Variants in NCALD observed in about 807,000 individuals in gnomAD.
The protein encoded by NCALD is neurocalcin delta.
NCALD carries 10 observed loss-of-function variants against 18.6 expected under a neutral mutation model. The ratio of observed to expected loss-of-function variants is 0.54; its 90% CI spans 0.33 to 0.91. NCALD has a LOEUF of 0.91. Among genes scored for constraint, NCALD ranks in the 40% least tolerant of loss-of-function variants. NCALD has a pLI of 0.03. For missense variants in NCALD, 184 were observed against 247.6 expected (o/e 0.74, Z 1.72); for synonymous variants, 88 against 87.4 (o/e 1.01, Z -0.04).
intron 1 of NCALD, among the ~76,000 whole-genome samples, chr8:102,071,678 A>G (rs1036099407): frequency 1.3e-5 from 2 of 152,250 alleles, no homozygotes; most frequent in African/African-American, 2.4e-5. Context: ...GTATACCAAA[A>G]CAAATTGTAT....
intron 1 of NCALD, chr8:102,029,188 G>A (rs1822572637): frequency 6.6e-6 from 1 of 152,214 alleles, no homozygotes; most frequent in African/African-American, 2.4e-5. Flanking sequence ...GTACCAGGAA[G>A]TGGAGGCAAC....
chr8:101,808,076 A>G (rs577316777), intron 4 of NCALD, among the ~76,000 whole-genome samples: 2 of 152,316 alleles, frequency 1.3e-5, no homozygotes, highest in Admixed American at 6.5e-5. Flanking sequence ...CAAATTACCA[A>G]TATCTGTAAT....
chr8:101,993,052 C>T (rs1039076400), intron 2 of NCALD, among the ~76,000 whole-genome samples: 2 of 145,122 alleles, frequency 1.4e-5, no homozygotes, highest in African/African-American at 5.2e-5. Flanking sequence ...TACTAGATAC[C>T]ACGGATGGCA....
chr8:101,959,958 C>T (rs2131846483), intron 2 of NCALD, among the ~76,000 whole-genome samples: 1 of 151,304 alleles, frequency 6.6e-6, no homozygotes, highest in East Asian at 2.0e-4. Context: ...AACGTCCTTC[C>T]TGAACCACCA....
intron 4 of NCALD, among the ~76,000 whole-genome samples, chr8:101,875,088 G>A (rs1265963963): frequency 6.6e-6 from 1 of 152,224 alleles, no homozygotes; most frequent in East Asian, 1.9e-4. Flanking sequence ...TATGTGCCGG[G>A]AAGTAGTCTA....
intron 3 of NCALD, among the ~76,000 whole-genome samples, chr8:101,914,203 T>C (rs1817899197): frequency 6.6e-6 from 1 of 152,218 alleles, no homozygotes; most frequent in Non-Finnish European, 1.5e-5. Flanking sequence ...TTGTTTCTGA[T>C]GACCTTCACA....
chr8:101,721,708 T>C (rs775965250), intron 1 of NCALD, among the ~76,000 whole-genome samples: 6 of 152,198 alleles, frequency 3.9e-5, no homozygotes, highest in Non-Finnish European at 7.3e-5. Context: ...GCCAAGTTTA[T>C]TGATTTTGTT....
At chr8:101,789,699 T>C (rs1812377214) in intron 1 of NCALD, among the ~76,000 whole-genome samples, 1 of 152,226 alleles carries the variant, frequency 6.6e-6, no homozygotes, top group African/African-American at 2.4e-5. Flanking sequence ...CTGTATTACA[T>C]GTAGTGCTCT....
intron 3 of NCALD, chr8:101,690,488 C>T (rs921575671): frequency 4.7e-5 from 46 of 985,322 alleles, no homozygotes; most frequent in Admixed American, 6.1e-5. Context: ...TGGACTCTCA[C>T]GCTAAGCCAT....
At chr8:101,855,367 G>A (rs1165962483) in intron 4 of NCALD, among the ~76,000 whole-genome samples, 1 of 152,108 alleles carries the variant, frequency 6.6e-6, no homozygotes, top group Non-Finnish European at 1.5e-5. Flanking sequence ...ACCTTCTCCT[G>A]GAAGTGAATC....
At chr8:101,967,840 GAC>G (rs34321706) in intron 2 of NCALD, among the ~76,000 whole-genome samples, 5,739 of 147,416 alleles carry the variant, frequency 0.039, 260 homozygotes, top group East Asian at 0.1. Context: ...TCTTAAAATT[GAC>G]ACACACACAC....
chr8:102,053,616 C>G (rs935311186), intron 1 of NCALD, among the ~76,000 whole-genome samples: 22 of 152,172 alleles, frequency 1.4e-4, no homozygotes, highest in African/African-American at 5.3e-4. Context: ...CAATTCAGCT[C>G]CAAAGCTGGC....
intron 3 of NCALD, among the ~76,000 whole-genome samples, chr8:101,908,218 G>T (rs895332779): frequency 1.3e-5 from 2 of 152,212 alleles, no homozygotes; most frequent in African/African-American, 4.8e-5. Flanking sequence ...TAAATCACAT[G>T]CCAGGTGGCT....
intron 2 of NCALD, among the ~76,000 whole-genome samples, chr8:101,937,851 AG>A (rs1436867332): frequency 2.0e-5 from 3 of 152,184 alleles, no homozygotes; most frequent in African/African-American, 7.2e-5. Context: ...CCAAATAATT[AG>A]ATTAGTGGTA....
chr8:102,083,468 A>C (rs1247103798), intron 1 of NCALD, among the ~76,000 whole-genome samples: 1 of 152,190 alleles, frequency 6.6e-6, no homozygotes, highest in Non-Finnish European at 1.5e-5. Flanking sequence ...AGAAGCTTAG[A>C]TTACAACTGG....
intron 1 of NCALD, among the ~76,000 whole-genome samples, chr8:101,747,501 C>A (rs79984228): frequency 6.6e-6 from 1 of 151,990 alleles, no homozygotes; most frequent in Non-Finnish European, 1.5e-5. Context: ...TATCATTGAG[C>A]CACCAGTTGG....
intron 3 of NCALD, among the ~76,000 whole-genome samples, chr8:101,893,114 A>C (rs865930586): frequency 6.6e-5 from 10 of 151,812 alleles, no homozygotes; most frequent in Middle Eastern, 3.4e-3. Flanking sequence ...AGCCAGAGAG[A>C]AAGGTCAGGT....
intron 4 of NCALD, among the ~76,000 whole-genome samples, chr8:101,846,549 C>G (rs1148499): frequency 0.26 from 39,911 of 152,022 alleles, 5,760 homozygotes; most frequent in African/African-American, 0.36. Flanking sequence ...CATTCTAGCT[C>G]TATTTGGGTG....
chr8:102,025,057 T>G (rs989338056), intron 1 of NCALD, among the ~76,000 whole-genome samples: 1 of 152,212 alleles, frequency 6.6e-6, no homozygotes, highest in Non-Finnish European at 1.5e-5. Flanking sequence ...GGGCCCTGTA[T>G]GACCTGTCCC....
Sources: allele counts gnomAD v4.1 joint callset (sites outside exome capture counted in the v4.1 genomes callset), GRCh38; gene constraint gnomAD v4.1.1; transcripts MANE v1.5; gene names NCBI Gene and HGNC (gene_info 2026-07-23, HGNC 2026-07-21).